Variants in PARL observed in about 807,000 individuals in gnomAD.
PARL encodes presenilin-associated rhomboid-like protein, mitochondrial.
A neutral mutation model predicts 51.6 loss-of-function variants in PARL; 44 were observed. The observed-to-expected ratio is 0.85, with a 90% confidence interval of 0.67 to 1.10. The LOEUF (loss-of-function observed/expected upper bound fraction) is 1.10. PARL is among the 50% of genes least tolerant of loss of function. PARL has a pLI of 0.00. For synonymous variants in PARL, 172 were observed against 164.0 expected (o/e 1.05, Z -0.37); for missense variants, 441 against 469.5 (o/e 0.94, Z 0.56).
chr3:183,857,605 T>C (rs977814255), intron 4 of PARL, among the ~76,000 whole-genome samples: 2 of 152,182 alleles, frequency 1.3e-5, no homozygotes, highest in Non-Finnish European at 2.9e-5. Flanking sequence ...GCAATGGTTA[T>C]TATGGGAAAG....
chr3:183,855,420 G>C (rs938643684), intron 4 of PARL, among the ~76,000 whole-genome samples: 2 of 152,136 alleles, frequency 1.3e-5, no homozygotes, highest in African/African-American at 4.8e-5. Context: ...AGGATTACAA[G>C]TGTGGGCCAC....
At chr3:183,830,851 T>C (rs1305763214) in intron 9 of PARL, among the ~76,000 whole-genome samples, 1 of 152,244 alleles carries the variant, frequency 6.6e-6, no homozygotes, top group Non-Finnish European at 1.5e-5. Flanking sequence ...AAAAATTCTC[T>C]GTGCTTAAGT....
downstream of PARL, chr3:183,826,842 T>A (rs1727450075): frequency 1.1e-6 from 1 of 904,468 alleles, no homozygotes; most frequent in Non-Finnish European, 1.3e-6. Flanking sequence ...AAATTCTCCA[T>A]CTCGCAGGAA....
chr3:183,882,314 T>TAC (rs1218984252), intron 1 of PARL, among the ~76,000 whole-genome samples: 2 of 98,202 alleles, frequency 2.0e-5, no homozygotes, highest in African/African-American at 3.4e-5. Context: ...CACACATATA[T>TAC]ACACACATAT....
At chr3:183,859,954 T>C (rs1386764298) in intron 4 of PARL, among the ~76,000 whole-genome samples, 1 of 152,024 alleles carries the variant, frequency 6.6e-6, no homozygotes, top group Non-Finnish European at 1.5e-5. Context: ...CATGCTGCCA[T>C]TGTCTAGGTA....
chr3:183,884,612 G>C (rs1427324446), intron 1 of PARL, 110 bp downstream of exon 1: 7 of 1,075,226 alleles, frequency 6.5e-6, no homozygotes, highest in African/African-American at 1.6e-5. Flanking sequence ...TAAGGTGAAG[G>C]GGGTGAGCTG....
rs116230138 is a variant in PARL at position 183,875,656 on chromosome 3, A to G, written c.126-7596T>C. Among the ~76,000 whole-genome samples, 1,387 of 152,342 alleles carry G rather than the reference A, an allele frequency of 9.1e-3. 9 individuals are homozygous for G. The highest frequency in any genetic ancestry group is 0.032 in the African/African-American group (1,333 of 41,562). Reference sequence around the variant, plus strand: ...AGGTTTAAGGAAACAAGCTGTCTCTATAACACACAAGTACAACTTGAAGCA... The same window carrying G: ...AGGTTTAAGGAAACAAGCTGTCTCTGTAACACACAAGTACAACTTGAAGCA... On this transcript the variant is annotated intron_variant, in intron 1 of 9. Coordinates refer to ENST00000317096, the MANE Select transcript of PARL (RefSeq NM_018622.7).
intron 3 of PARL, 116 bp from the exon 4 acceptor site, chr3:183,862,917 G>C (rs1732007926): frequency 1.2e-6 from 1 of 808,276 alleles, no homozygotes; most frequent in Non-Finnish European, 2.2e-6. Flanking sequence ...AAAAATCACT[G>C]GTGGTCACAG....
chr3:183,881,239 G>A (rs1464102022), intron 1 of PARL, among the ~76,000 whole-genome samples: 6 of 151,082 alleles, frequency 4.0e-5, no homozygotes, highest in East Asian at 3.9e-4. Context: ...CTCCTGCCTC[G>A]GCCCCCCGAG....
intron 4 of PARL, among the ~76,000 whole-genome samples, chr3:183,857,799 T>C (rs968989389): frequency 1.3e-5 from 2 of 152,194 alleles, no homozygotes; most frequent in Non-Finnish European, 2.9e-5. Context: ...TTGGAACAAT[T>C]TGCTGCAATT....
intron 4 of PARL, among the ~76,000 whole-genome samples, chr3:183,853,705 A>T (rs1242089711): frequency 6.6e-6 from 1 of 152,228 alleles, no homozygotes; most frequent in African/African-American, 2.4e-5. Flanking sequence ...AGAAAAAGCA[A>T]ATCAAAACCA....
chr3:183,833,643 T>C, intron 8 of PARL, 54 bp from the exon 9 acceptor site: 1 of 1,495,914 alleles, frequency 6.7e-7, no homozygotes, highest in Non-Finnish European at 9.3e-7. Context: ...AGCACTGACA[T>C]TTCTAACTTA....
chr3:183,829,898 G>A (rs970771785), intron 9 of PARL, among the ~76,000 whole-genome samples, 189 bp from the exon 10 acceptor site: 1 of 152,180 alleles, frequency 6.6e-6, no homozygotes, highest in Non-Finnish European at 1.5e-5. Context: ...GAAGTAGGAT[G>A]GGACGATGGC....
At chr3:183,869,618 A>G (rs1381523615) in intron 1 of PARL, among the ~76,000 whole-genome samples, 2 of 152,138 alleles carry the variant, frequency 1.3e-5, no homozygotes, top group Admixed American at 6.6e-5. Context: ...TATAACGAAC[A>G]ATATTCAGTG....
At chr3:183,829,005 A>G (rs993453098), downstream of PARL, among the ~76,000 whole-genome samples, 2 of 152,236 alleles carry the variant, frequency 1.3e-5, no homozygotes, top group East Asian at 3.8e-4. Context: ...GTCTGAATTT[A>G]CCCAAATCAC....
chr3:183,842,200 C>G, intron 6 of PARL, 98 bp downstream of exon 6: 1 of 1,163,662 alleles, frequency 8.6e-7, no homozygotes, highest in Non-Finnish European at 1.3e-6. Context: ...TGAGCACTCA[C>G]TACGTGTAGA....
At chr3:183,852,498 G>A (rs73177525) in intron 4 of PARL, among the ~76,000 whole-genome samples, 1 of 151,916 alleles carries the variant, frequency 6.6e-6, no homozygotes, top group Non-Finnish European at 1.5e-5. Context: ...TGAGGGGAGG[G>A]GGTAATAGGG....
chr3:183,830,557 T>C (rs1727819356), intron 9 of PARL, among the ~76,000 whole-genome samples: 1 of 152,170 alleles, frequency 6.6e-6, no homozygotes, highest in Non-Finnish European at 1.5e-5. Context: ...TAGTGAGAGC[T>C]TGCTATTAAA....
At chr3:183,860,877 G>A (rs945862759) in intron 4 of PARL, among the ~76,000 whole-genome samples, 3 of 148,728 alleles carry the variant, frequency 2.0e-5, no homozygotes, top group African/African-American at 7.5e-5. Flanking sequence ...GTGCAGTGGC[G>A]CAATCTTAGC....
Sources: allele counts gnomAD v4.1 joint callset (sites outside exome capture counted in the v4.1 genomes callset), GRCh38; gene constraint gnomAD v4.1.1; transcripts MANE v1.5; gene names NCBI Gene and HGNC (gene_info 2026-07-23, HGNC 2026-07-21).